The following ARRDC3 variants were observed in gnomAD, a reference collection of about 807,000 sequenced individuals.
ARRDC3 encodes the protein arrestin domain containing 3.
A neutral mutation model predicts 47.2 loss-of-function variants in ARRDC3; 10 were observed. The ratio of observed to expected loss-of-function variants is 0.21; its 90% CI spans 0.13 to 0.36. ARRDC3 has a LOEUF of 0.36. Among genes scored for constraint, ARRDC3 ranks in the 10% least tolerant of loss-of-function variants. The pLI is 1.00. For synonymous variants in ARRDC3, 156 were observed against 178.3 expected (o/e 0.87, Z 1.00); for missense variants, 381 against 503.6 (o/e 0.76, Z 2.33).
chr5:91,375,467 C>A, intron 4 of ARRDC3, 44 bp downstream of exon 4: 1 of 1,315,354 alleles, frequency 7.6e-7, no homozygotes, highest in Admixed American at 2.0e-5. Flanking sequence ...AACACAAAAG[C>A]TAAGTGAAGA....
intron 1 of ARRDC3, among the ~76,000 whole-genome samples, chr5:91,379,018 T>G (rs1304871191): frequency 6.6e-6 from 1 of 152,150 alleles, no homozygotes; most frequent in East Asian, 1.9e-4. Context: ...AGGCTTTTTA[T>G]TTTTTCTAAT....
In ARRDC3 at chr5:91,369,033, A is replaced by AT. The variant is rs2127062505; in HGVS notation, c.*2366dup. 6.5e-6 allele frequency: 1 copy of AT among 152,754 alleles called. No individual in the cohort carries two copies. The highest frequency in any genetic ancestry group is 2.1e-4 in the South Asian group (1 of 4,832). The allele number at this position is 152,754 out of a possible 1,614,324, so 9.5% of individuals were successfully genotyped here. A position where few individuals can be genotyped will look rare whatever the true frequency, so the allele number is the denominator to read the frequency against. The stretch of plus-strand genomic sequence containing the variant: ...CACATCTTATGTCAGGAATTGACCA[A>AT]TATTTTTAAAAAAGTAATGCCTCTA... On this transcript the variant is annotated 3_prime_UTR_variant, in exon 8 of 8. Coordinates refer to ENST00000265138, the MANE Select transcript of ARRDC3 (RefSeq NM_020801.4).
At chr5:91,378,385 A>G (rs1375463323) in intron 2 of ARRDC3, among the ~76,000 whole-genome samples, 1 of 152,118 alleles carries the variant, frequency 6.6e-6, no homozygotes, top group Non-Finnish European at 1.5e-5. Context: ...TAATAAACTA[A>G]GTATAAAGTG....
intron 1 of ARRDC3, chr5:91,380,336 G>A (rs141323427): frequency 0.013 from 1,990 of 153,118 alleles, 112 homozygotes; most frequent in Admixed American, 0.083. Flanking sequence ...CGAGCGAGCC[G>A]CGGCGCTTCC....
chr5:91,371,372 C>A lies in ARRDC3; in HGVS notation c.*28G>T. On this transcript the variant is annotated 3_prime_UTR_variant, in exon 8 of 8. Coordinates refer to ENST00000265138, the MANE Select transcript of ARRDC3 (RefSeq NM_020801.4). ...CGGAAGAGATACAGTTCGGAACCCA[C>A]ATCAACTTGATTCAACCAAGTGTTC... 1 of 1,592,732 alleles carries A rather than the reference C, an allele frequency of 6.3e-7. No homozygotes were observed. The highest frequency in any genetic ancestry group is 8.6e-7 in the Non-Finnish European group (1 of 1,160,998).
intron 1 of ARRDC3, among the ~76,000 whole-genome samples, chr5:91,382,588 C>T (rs2127079121): frequency 6.6e-6 from 1 of 152,344 alleles, no homozygotes; most frequent in South Asian, 2.1e-4. Flanking sequence ...GAGCCGGGTA[C>T]AGAGGTAGCT....
Position 91,383,305 on chromosome 5 carries a change from TCC to T in ARRDC3, c.-215_-214del. On this transcript the variant is annotated 5_prime_UTR_variant, in exon 1 of 8. Transcript: ENST00000265138. ...CGCGCTCCCGCTCGTCTCAGTGGTC[TCC>T]TTACAAAGACGGGCGGCTAAAAGCT... 4.1e-6 allele frequency: 2 copies of T among 489,188 alleles called. No individual in the cohort carries two copies. Among genetic ancestry groups the T allele is most frequent in the South Asian group, 3.4e-5 (1 of 29,654 alleles). The allele number at this position is 489,188 out of a possible 1,614,324, so 30.3% of individuals were successfully genotyped here. A position where few individuals can be genotyped will look rare whatever the true frequency, so the allele number is the denominator to read the frequency against.
intron 7 of ARRDC3, among the ~76,000 whole-genome samples, chr5:91,372,541 G>C (rs1337829887): frequency 6.6e-6 from 1 of 152,098 alleles, no homozygotes; most frequent in Non-Finnish European, 1.5e-5. Context: ...AAAATGTAAT[G>C]ACAAAATCTG....
rs571117224 is a variant in ARRDC3 at position 91,371,343 on chromosome 5, C to T, written c.*57G>A. On this transcript the variant is annotated 3_prime_UTR_variant, in exon 8 of 8. Transcript: ENST00000265138. ...TGTCTCCAAGATACTTCTCTGTCCT[C>T]AGCCGGAAGAGATACAGTTCGGAAC... 20 of 1,468,430 alleles carry T rather than the reference C, an allele frequency of 1.4e-5. No individual in the cohort carries two copies. In the African/African-American group the frequency reaches 2.8e-4, roughly 21 times the overall value. The allele number at this position is 1,468,430 out of a possible 1,614,324, so 91.0% of individuals were successfully genotyped here. A position where few individuals can be genotyped will look rare whatever the true frequency, so the allele number is the denominator to read the frequency against.
intron 1 of ARRDC3, 60 bp downstream of exon 1, chr5:91,382,753 C>A: frequency 6.6e-7 from 1 of 1,514,610 alleles, no homozygotes. Context: ...ATTCAGAAAA[C>A]TGAAAAGGTA....
intron 1 of ARRDC3, among the ~76,000 whole-genome samples, chr5:91,379,452 G>C (rs1350500103): frequency 7.9e-5 from 12 of 151,934 alleles, no homozygotes; most frequent in Non-Finnish European, 1.6e-4. Context: ...CTATACCTTA[G>C]ATAATTACAA....
At chr5:91,373,988 TA>T (rs1333220329) in intron 6 of ARRDC3, 125 bp downstream of exon 6, 21 of 1,411,638 alleles carry the variant, frequency 1.5e-5, no homozygotes, top group African/African-American at 8.6e-5. Context: ...AACTGAATAT[TA>T]GGGGCACATC....
intron 1 of ARRDC3, 100 bp from the exon 2 acceptor site, chr5:91,378,875 C>T: frequency 1.6e-6 from 1 of 631,122 alleles, no homozygotes; most frequent in Non-Finnish European, 2.6e-6. Flanking sequence ...ACAATTAAGA[C>T]CACAAAACAA....
chr5:91,374,276 C>T lies in ARRDC3; in HGVS notation c.871G>A (p.Val291Ile). 2 of 1,604,708 alleles carry T rather than the reference C, an allele frequency of 1.2e-6. No homozygotes were observed. The highest frequency in any genetic ancestry group is 1.7e-6 in the Non-Finnish European group (2 of 1,175,706). ...SIIRVEYSLM[V>I]YVDIPGAMDL... Reference sequence around the variant, plus strand: ...ATAGCTCCAGGAATATCCACATATACCTAAACATTGCAAAGAAATATTAAG... The same window carrying T: ...ATAGCTCCAGGAATATCCACATATATCTAAACATTGCAAAGAAATATTAAG... Residue 291 changes from valine to isoleucine, a missense_variant and splice_region_variant, in exon 6 of 8, where the codon GTA (valine) becomes ATA (isoleucine). Val to Ile is a conservative substitution (Grantham distance 29). Transcript: ENST00000265138.
At chr5:91,373,583 A>T (rs6452952) in intron 7 of ARRDC3, 101 bp downstream of exon 7, 1,162,160 of 1,163,458 alleles carry the variant, frequency 1, 580,459 homozygotes, top group Non-Finnish European at 1. Context: ...TGTTCTGTTA[A>T]CATGATAATC....
At chr5:91,378,311 A>G (rs1275919424) in intron 2 of ARRDC3, among the ~76,000 whole-genome samples, 2 of 152,088 alleles carry the variant, frequency 1.3e-5, no homozygotes, top group Non-Finnish European at 2.9e-5. Context: ...AGAATATAGA[A>G]TTTTTTATAA....
Position 91,377,067 on chromosome 5 carries a change from G to A in ARRDC3, c.363-299C>T, listed in dbSNP as rs117001504. ...TGGCAAAATCATGAAAGTTTAATGGGCATTTTTTGAAAAGGCCAAGAATTC... is the reference window on the plus strand; with the variant it reads ...TGGCAAAATCATGAAAGTTTAATGGACATTTTTTGAAAAGGCCAAGAATTC... On this transcript the variant is annotated intron_variant, in intron 2 of 7. Coordinates refer to ENST00000265138, the MANE Select transcript of ARRDC3 (RefSeq NM_020801.4). Among the ~76,000 whole-genome samples the A allele has an allele frequency of 6.9e-3, 1,056 of 152,236 alleles. 14 individuals carry two copies. The highest frequency in any genetic ancestry group is 0.035 in the East Asian group (182 of 5,184).
chr5:91,374,638 T>C (rs886985294), intron 5 of ARRDC3, among the ~76,000 whole-genome samples: 1 of 151,578 alleles, frequency 6.6e-6, no homozygotes, highest in Non-Finnish European at 1.5e-5. Context: ...AATTCCAACA[T>C]TTTGGGAGGC....
intron 1 of ARRDC3, among the ~76,000 whole-genome samples, chr5:91,379,589 C>T (rs2127075130): frequency 6.6e-6 from 1 of 151,888 alleles, no homozygotes; most frequent in East Asian, 1.9e-4. Flanking sequence ...CATTTTACAA[C>T]CAATTTTTTT....
Sources: gnomAD v4.1 joint callset for allele counts (sites outside exome capture counted in the v4.1 genomes callset) on GRCh38, gnomAD v4.1.1 for gene constraint, MANE v1.5 for transcripts, NCBI Gene and HGNC (gene_info 2026-07-23, HGNC 2026-07-21) for gene names.